XKR9: variants seen among roughly 807,000 people sequenced by gnomAD.
XKR9 encodes XK related 9.
Under a neutral mutation model 32.0 loss-of-function variants are expected in XKR9, and 32 were observed. The ratio of observed to expected loss-of-function variants is 1.00; its 90% CI spans 0.76 to 1.34. The LOEUF is 1.34. XKR9 is among the 40% of genes most tolerant of loss of function. The probability of loss-of-function intolerance (pLI) is 0.00; values close to 1 mark genes in which losing one functional copy is unlikely to be tolerated. For synonymous variants in XKR9, 168 were observed against 143.4 expected (o/e 1.17, Z -1.22); for missense variants, 546 against 429.7 (o/e 1.27, Z -2.39).
At chr8:70,790,966 A>G (rs114827665), downstream of XKR9, among the ~76,000 whole-genome samples, 1,623 of 152,124 alleles carry the variant, frequency 0.011, 38 homozygotes, top group African/African-American at 0.037. Context: ...GGCCTCTGCT[A>G]TGAGGGCACT....
intron 2 of XKR9, among the ~76,000 whole-genome samples, chr8:70,744,876 G>C (rs1253816309): frequency 6.7e-6 from 1 of 150,060 alleles, no homozygotes; most frequent in South Asian, 2.1e-4. Flanking sequence ...AAAGTGCTGG[G>C]ATTACAGGCA....
chr8:70,815,294 T>C, the XKR9 span, among the ~76,000 whole-genome samples: 2 of 152,098 alleles, frequency 1.3e-5, no homozygotes, highest in African/African-American at 4.8e-5. Context: ...TACTTATTAG[T>C]TGTTTTTCCT....
At chr8:70,880,994 A>G in the XKR9 span, among the ~76,000 whole-genome samples, 1 of 152,226 alleles carries the variant, frequency 6.6e-6, no homozygotes, top group Non-Finnish European at 1.5e-5. Flanking sequence ...GATCTTTGAC[A>G]AACCTGACAA....
intron 3 of XKR9, among the ~76,000 whole-genome samples, chr8:70,699,099 C>T (rs557763321): frequency 1.3e-5 from 2 of 152,114 alleles, no homozygotes; most frequent in African/African-American, 2.4e-5. Context: ...AGATGGGTTT[C>T]CTGAATACAA....
intron 4 of XKR9, among the ~76,000 whole-genome samples, chr8:70,716,008 A>C (rs1806075396): frequency 6.6e-6 from 1 of 152,092 alleles, no homozygotes; most frequent in African/African-American, 2.4e-5. Flanking sequence ...GAGAACCAGG[A>C]AACAGGAAAG....
chr8:70,969,861 TATACA>T, the XKR9 span, among the ~76,000 whole-genome samples: 1 of 152,172 alleles, frequency 6.6e-6, no homozygotes, highest in African/African-American at 2.4e-5. Flanking sequence ...ACCCGAGCAA[TATACA>T]CTATGCCCAG....
intron 2 of XKR9, among the ~76,000 whole-genome samples, chr8:70,774,350 G>A (rs774351361): frequency 1.3e-5 from 2 of 151,866 alleles, no homozygotes; most frequent in Non-Finnish European, 2.9e-5. Flanking sequence ...GCTTAGGCTG[G>A]TCTTGGACTC....
At chr8:70,960,573 ATGT>A in the XKR9 span, among the ~76,000 whole-genome samples, 1 of 152,110 alleles carries the variant, frequency 6.6e-6, no homozygotes, top group African/African-American at 2.4e-5. Context: ...GATATATAGG[ATGT>A]TGTCAAAAAT....
At chr8:70,988,460 G>T in the XKR9 span, among the ~76,000 whole-genome samples, 1 of 151,968 alleles carries the variant, frequency 6.6e-6, no homozygotes, top group African/African-American at 2.4e-5. Context: ...CAACTCCACG[G>T]TGCTGGAGTT....
At chr8:70,950,407 T>C in the XKR9 span, among the ~76,000 whole-genome samples, 2 of 152,066 alleles carry the variant, frequency 1.3e-5, no homozygotes, top group Non-Finnish European at 2.9e-5. Context: ...TGGCATTATC[T>C]AGGCAAAGAG....
the XKR9 span, among the ~76,000 whole-genome samples, chr8:70,821,994 T>C: frequency 6.6e-6 from 1 of 152,214 alleles, no homozygotes; most frequent in African/African-American, 2.4e-5. Flanking sequence ...GGGTTTTTCT[T>C]TTCTATTGCA....
chr8:70,726,413 TG>T (rs1806471867), intron 4 of XKR9, among the ~76,000 whole-genome samples: 1 of 152,224 alleles, frequency 6.6e-6, no homozygotes, highest in African/African-American at 2.4e-5. Context: ...ACCTCTTACT[TG>T]GTTCAGCACA....
the XKR9 span, among the ~76,000 whole-genome samples, chr8:70,864,538 T>C: frequency 6.6e-6 from 1 of 152,206 alleles, no homozygotes; most frequent in African/African-American, 2.4e-5. Flanking sequence ...CATGGGTTTT[T>C]TGAAAGAGGT....
the XKR9 span, among the ~76,000 whole-genome samples, chr8:70,987,811 C>A: frequency 6.6e-6 from 1 of 152,160 alleles, no homozygotes; most frequent in Non-Finnish European, 1.5e-5. Flanking sequence ...CCATGAGGAC[C>A]CCACCCCTAC....
chr8:71,063,174 G>A, the XKR9 span, among the ~76,000 whole-genome samples: 2 of 152,114 alleles, frequency 1.3e-5, no homozygotes, highest in African/African-American at 2.4e-5. Context: ...TGTGATAACT[G>A]CAAACTGGAA....
At chr8:70,775,763 A>G (rs887729391) in intron 2 of XKR9, among the ~76,000 whole-genome samples, 3 of 133,518 alleles carry the variant, frequency 2.2e-5, no homozygotes, top group Admixed American at 7.5e-5. Context: ...TTTTTTTTTG[A>G]GACAAGGTCT....
At chr8:70,771,818 A>G (rs892786235) in intron 2 of XKR9, among the ~76,000 whole-genome samples, 1 of 152,222 alleles carries the variant, frequency 6.6e-6, no homozygotes, top group Non-Finnish European at 1.5e-5. Flanking sequence ...TGGGTGAAGC[A>G]GATGATCCAA....
At chr8:70,799,991 G>C in the XKR9 span, among the ~76,000 whole-genome samples, 3 of 152,162 alleles carry the variant, frequency 2.0e-5, no homozygotes, top group Admixed American at 1.3e-4. Flanking sequence ...GATGTTGGCT[G>C]TGGGTTTGTC....
chr8:70,911,385 ATT>A, the XKR9 span, among the ~76,000 whole-genome samples: 1 of 152,326 alleles, frequency 6.6e-6, no homozygotes, highest in East Asian at 1.9e-4. Context: ...GATAATACAA[ATT>A]TATAATGTAT....
Sources: gnomAD v4.1 joint callset for allele counts (sites outside exome capture counted in the v4.1 genomes callset) on GRCh38, gnomAD v4.1.1 for gene constraint, MANE v1.5 for transcripts, NCBI Gene and HGNC (gene_info 2026-07-23, HGNC 2026-07-21) for gene names.